The following AK9 variants were observed in gnomAD, a reference collection of about 807,000 sequenced individuals.
AK9 encodes adenylate kinase domain containing 1.
AK9 carries 191 observed loss-of-function variants against 239.6 expected under a neutral mutation model. That is an observed-to-expected ratio of 0.80 (90% CI 0.71 to 0.90). The LOEUF is 0.90. AK9 is among the 40% of genes least tolerant of loss of function. AK9 has a pLI of 0.00. For synonymous variants in AK9, 689 were observed against 721.0 expected (o/e 0.96, Z 0.71); for missense variants, 1,995 against 2,214.7 (o/e 0.90, Z 1.99).
intron 10 of AK9, among the ~76,000 whole-genome samples, chr6:109,635,377 C>T (rs911045651): frequency 9.2e-5 from 14 of 152,112 alleles, no homozygotes; most frequent in African/African-American, 3.4e-4. Context: ...CCTTGTGATA[C>T]CAGGTACCTC....
chr6:109,616,883 T>C (rs1452960294), intron 13 of AK9, among the ~76,000 whole-genome samples: 1 of 152,192 alleles, frequency 6.6e-6, no homozygotes, highest in Non-Finnish European at 1.5e-5. Context: ...TTTCAAATTA[T>C]ATGATTAGCT....
At chr6:109,541,559 T>C (rs7766766) in intron 27 of AK9, among the ~76,000 whole-genome samples, 88,504 of 152,040 alleles carry the variant, frequency 0.58, 27,460 homozygotes, top group South Asian at 0.84. Context: ...TACAGGCATG[T>C]GCCACCACAC....
chr6:109,686,692 T>G (rs990273244), intron 1 of AK9, among the ~76,000 whole-genome samples: 97 of 152,346 alleles, frequency 6.4e-4, no homozygotes, highest in Middle Eastern at 3.4e-3. Flanking sequence ...AGATCCTTGC[T>G]GTCTGCAGCA....
intron 21 of AK9, among the ~76,000 whole-genome samples, chr6:109,569,309 C>T (rs981442941): frequency 6.6e-6 from 1 of 152,132 alleles, no homozygotes; most frequent in Non-Finnish European, 1.5e-5. Context: ...AAATGTTAGA[C>T]CTAAAACCAT....
chr6:109,493,296 A>G lies in AK9; in HGVS notation c.*73T>C. On this transcript the variant is annotated 3_prime_UTR_variant, in exon 41 of 41. Coordinates refer to ENST00000424296, the MANE Select transcript of AK9 (RefSeq NM_001145128.3). ...TACTTCCAAGAGGCCCAGATTTTCA[A>G]TCTACTTCTCTCAGTTTCCCTCTAT... is the stretch of plus-strand genomic sequence containing the variant. The G allele has an allele frequency of 1.3e-6, 2 of 1,488,224 alleles. No homozygotes were observed. The highest frequency in any genetic ancestry group is 1.4e-5 in the African/African-American group (1 of 71,410). 92.2% of individuals were successfully genotyped at this position (1,488,224 alleles called of 1,614,324 possible). A position where few individuals can be genotyped will look rare whatever the true frequency, so the allele number is the denominator to read the frequency against.
chr6:109,659,268 C>T lies in AK9; in HGVS notation c.590G>A (p.Gly197Glu), dbSNP rs1480902912. 4.4e-6 allele frequency: 7 copies of T among 1,599,944 alleles called. No individual in the cohort carries two copies. Among genetic ancestry groups the T allele is most frequent in the Non-Finnish European group, 6.0e-6 (7 of 1,175,456 alleles). ...KKKEAQKDGK[G>E]EEEEEEEEQE... ...CTCTTCTTCCTCTTCTTCCTCTTCT[C>T]CTTTTCCGTCCTTTTGGGCTTCTTT... The change falls in exon 7 of 41, where the codon GGA becomes GAA. Residue 197 changes from glycine (G) to glutamate (E), a missense_variant. Coordinates refer to ENST00000424296, the MANE Select transcript of AK9 (RefSeq NM_001145128.3).
intron 1 of AK9, among the ~76,000 whole-genome samples, chr6:109,677,767 G>A (rs1259042903): frequency 1.3e-5 from 2 of 152,094 alleles, no homozygotes; most frequent in Admixed American, 1.3e-4. Context: ...CAAAATATCT[G>A]AAGAGACATT....
At chr6:109,644,161 A>G (rs1562539632) in intron 9 of AK9, among the ~76,000 whole-genome samples, 1 of 152,154 alleles carries the variant, frequency 6.6e-6, no homozygotes, top group Non-Finnish European at 1.5e-5. Context: ...GATAGTTACT[A>G]TATTTTTGTA....
chr6:109,525,082 T>C (rs1007251965), intron 29 of AK9, among the ~76,000 whole-genome samples: 1 of 152,222 alleles, frequency 6.6e-6, no homozygotes, highest in African/African-American at 2.4e-5. Context: ...CTTCTGCATA[T>C]GGATAACCAG....
Position 109,619,159 on chromosome 6 carries a change from C to G in AK9, c.1332G>C (p.Glu444Asp). The G allele has an allele frequency of 1.9e-6, 3 of 1,549,572 alleles. No individual in the cohort carries two copies. In the Middle Eastern group the frequency reaches 5.0e-4, roughly 259 times the overall value. Residue 444 changes from glutamate (E) to aspartate (D), a missense_variant, in exon 13 of 41, where the codon GAG becomes GAC. Coordinates refer to ENST00000424296, the MANE Select transcript of AK9 (RefSeq NM_001145128.3). ...CAACTTTAATTGCTGCTGCAGTGGCCTCAGCTATGGTATTTTCTACTAATG... is the reference window on the plus strand; with the variant it reads ...CAACTTTAATTGCTGCTGCAGTGGCGTCAGCTATGGTATTTTCTACTAATG... ...RETLVENTIA[E>D]ATAAAIKVVK...
intron 1 of AK9, 31 bp from the exon 2 acceptor site, chr6:109,675,787 T>C: frequency 7.4e-7 from 1 of 1,359,610 alleles, no homozygotes; most frequent in Non-Finnish European, 1.0e-6. Context: ...ATTGTTAACT[T>C]GTCTAATTTG....
chr6:109,614,916 C>T lies in AK9; in HGVS notation c.1400-436G>A, dbSNP rs866469679. Among the ~76,000 whole-genome samples the T allele has an allele frequency of 2.6e-5, 4 of 152,140 alleles. 1 individual carries two copies. The highest frequency in any genetic ancestry group is 6.8e-3 in the Middle Eastern group (2 of 294). On this transcript the variant is annotated intron_variant, in intron 13 of 40. Transcript: ENST00000424296. ...TTTTAAGTAGAGTTACTCCTATTGT[C>T]AGATTTAGAATAATTAGTGAATTTG...
At chr6:109,594,099 T>G (rs984988581) in intron 17 of AK9, among the ~76,000 whole-genome samples, 2 of 152,168 alleles carry the variant, frequency 1.3e-5, no homozygotes, top group Non-Finnish European at 2.9e-5. Flanking sequence ...ACGACATGAT[T>G]GTATATTTAG....
intron 13 of AK9, among the ~76,000 whole-genome samples, chr6:109,617,389 G>A (rs1794303671): frequency 6.6e-6 from 1 of 151,940 alleles, no homozygotes; most frequent in South Asian, 2.1e-4. Flanking sequence ...TTTGAGGGAG[G>A]ATTTATATTA....
In AK9 at chr6:109,672,029, T is replaced by C. The variant is rs764482240; in HGVS notation, c.235-14A>G. On this transcript the variant is annotated splice_polypyrimidine_tract_variant and intron_variant, in intron 4 of 40. Transcript: ENST00000424296. ...CATTGATTGCAACTAAGGACAAGCA[T>C]AGATATTGTACATTACTGTATAATA... is the stretch of plus-strand genomic sequence containing the variant. 7.4e-6 allele frequency: 12 copies of C among 1,613,070 alleles called. No individual in the cohort carries two copies. The highest frequency in any genetic ancestry group is 3.3e-5 in the Admixed American group (2 of 59,952).
At position 109,573,368 on chromosome 6, in the gene AK9, T is replaced by C. The variant is rs951965709; in HGVS notation, c.2344+74A>G. 34 of 1,429,388 alleles carry C rather than the reference T, an allele frequency of 2.4e-5. 1 individual carries two copies. The Admixed American group carries it at 8.4e-4, about 35-fold the overall frequency. 88.5% of individuals were successfully genotyped at this position (1,429,388 alleles called of 1,614,324 possible). Reference sequence around the variant, plus strand: ...CCAGCTTCCATTTTACCAACAGGTATACATACACATACCCAAACAGACACA... The same window carrying C: ...CCAGCTTCCATTTTACCAACAGGTACACATACACATACCCAAACAGACACA... On this transcript the variant is annotated intron_variant, in intron 21 of 40. Coordinates refer to ENST00000424296, the MANE Select transcript of AK9 (RefSeq NM_001145128.3).
At position 109,494,112 on chromosome 6, in the gene AK9, A is replaced by G. The variant is rs543075643; in HGVS notation, c.5419-17T>C. On this transcript the variant is annotated splice_polypyrimidine_tract_variant and intron_variant, in intron 39 of 40. Coordinates refer to ENST00000424296, the MANE Select transcript of AK9 (RefSeq NM_001145128.3). ...TGCAATACCCTGCAGGGAGGGAACAATTCAAATTCTGTGTATACTTGAGTT... is the reference window on the plus strand; with the variant it reads ...TGCAATACCCTGCAGGGAGGGAACAGTTCAAATTCTGTGTATACTTGAGTT... The G allele has an allele frequency of 3.8e-6, 6 of 1,573,414 alleles. No homozygotes were observed. The African/African-American group carries it at 8.1e-5, about 21-fold the overall frequency.
intron 32 of AK9, 48 bp from the exon 33 acceptor site, chr6:109,509,428 G>A (rs1339245541): frequency 6.7e-7 from 1 of 1,487,168 alleles, no homozygotes; most frequent in Non-Finnish European, 9.1e-7. Context: ...TTAGATTCAG[G>A]GGGGACATGT....
At chr6:109,609,601 ACC>A (rs1793326260) in intron 17 of AK9, among the ~76,000 whole-genome samples, 1 of 152,216 alleles carries the variant, frequency 6.6e-6, no homozygotes, top group African/African-American at 2.4e-5. Flanking sequence ...AGCCATGAGA[ACC>A]CGAGAGTCAG....
Sources: gnomAD v4.1 joint callset for allele counts (sites outside exome capture counted in the v4.1 genomes callset) on GRCh38, gnomAD v4.1.1 for gene constraint, MANE v1.5 for transcripts, NCBI Gene and HGNC (gene_info 2026-07-23, HGNC 2026-07-21) for gene names.